Variants in SATL1 observed in about 807,000 individuals in gnomAD.
SATL1 encodes the protein spermidine/spermine N(1)-acetyltransferase-like protein 1.
SATL1 carries 47 observed loss-of-function variants against 51.8 expected under a neutral mutation model. The observed-to-expected ratio is 0.91, with a 90% CI of 0.72 to 1.16. The LOEUF (loss-of-function observed/expected upper bound fraction) is 1.16. Ranked by LOEUF, SATL1 falls within the 50% of genes most tolerant of loss-of-function variation. The probability of loss-of-function intolerance (pLI) is 0.00; values close to 1 mark genes in which losing one functional copy is unlikely to be tolerated. For missense variants in SATL1, 520 were observed against 526.4 expected (o/e 0.99, Z 0.12); for synonymous variants, 176 against 182.4 (o/e 0.97, Z 0.28).
chrX:85,139,306 A>T (rs924414254), intron 2 of SATL1, among the ~76,000 whole-genome samples: 1 of 111,845 alleles, frequency 8.9e-6, no homozygotes, highest in Non-Finnish European at 1.9e-5. Flanking sequence ...TGTATTTATC[A>T]TATACGTAAA....
At chrX:85,139,531 C>G (rs747814212) in intron 2 of SATL1, among the ~76,000 whole-genome samples, 2 of 110,799 alleles carry the variant, frequency 1.8e-5, no homozygotes, top group African/African-American at 6.6e-5. Context: ...ATACTTAACC[C>G]TACCATAAAT....
At chrX:85,206,066 G>A (rs1323668627) in intron 2 of SATL1, among the ~76,000 whole-genome samples, 4 of 111,779 alleles carry the variant, frequency 3.6e-5, no homozygotes, top group Non-Finnish European at 7.5e-5. Context: ...GCAGGTTTGA[G>A]GCTGGTGGTG....
At chrX:85,224,768 CAAAAAA>C (rs58905613) in intron 1 of SATL1, among the ~76,000 whole-genome samples, 2 of 59,752 alleles carry the variant, frequency 3.3e-5, no homozygotes, top group Non-Finnish European at 6.9e-5. Context: ...GAGTATATAT[CAAAAAA>C]AAAAAAAAAA....
intron 2 of SATL1, among the ~76,000 whole-genome samples, chrX:85,188,648 TA>T (rs1165664286): frequency 7.5e-5 from 8 of 107,173 alleles, no homozygotes; most frequent in East Asian, 2.9e-4. Flanking sequence ...TTCATCTCTC[TA>T]AAAAAAAAAT....
At chrX:85,092,752 C>T in intron 7 of SATL1, 191 bp from the exon 8 acceptor site, 1 of 400,306 alleles carries the variant, frequency 2.5e-6, no homozygotes, top group South Asian at 7.2e-5. Flanking sequence ...AGCTTTAAAG[C>T]CCTCTTTAAA....
chrX:85,233,990 G>A (rs762181241), intron 1 of SATL1, among the ~76,000 whole-genome samples: 2 of 111,091 alleles, frequency 1.8e-5, no homozygotes, highest in South Asian at 7.5e-4. Flanking sequence ...ACTACCTTAA[G>A]ATATCTAATA....
intron 1 of SATL1, among the ~76,000 whole-genome samples, chrX:85,232,317 G>A (rs1200395537): frequency 9.0e-6 from 1 of 111,073 alleles, no homozygotes; most frequent in African/African-American, 3.3e-5. Context: ...ACTCAGAGAT[G>A]TGCTGGCTTA....
At chrX:85,109,345 G>A (rs1015463477) in intron 2 of SATL1, 65 bp from the exon 3 acceptor site, 3 of 224,103 alleles carry the variant, frequency 1.3e-5, no homozygotes. Context: ...CCACCAGCCC[G>A]CCCCTGCATG....
chrX:85,150,106 G>A (rs143958988), intron 2 of SATL1, among the ~76,000 whole-genome samples: 5,387 of 110,877 alleles, frequency 0.049, 368 homozygotes, highest in African/African-American at 0.17. Flanking sequence ...GAATGAAATA[G>A]ATGCAATAAA....
At chrX:85,124,299 G>A (rs1925570494) in intron 2 of SATL1, among the ~76,000 whole-genome samples, 1 of 111,825 alleles carries the variant, frequency 8.9e-6, no homozygotes, top group Admixed American at 9.6e-5. Flanking sequence ...GGAGTAGAGT[G>A]AAGAGCATTA....
chrX:85,135,604 C>A lies in SATL1; in HGVS notation c.-312-26324G>T, dbSNP rs183184043. ...TGTGTGTGTGTGAGACAGGGCCTCACTCTGTCACCCAGGCTGGAGTGCAGT... is the reference window on the plus strand; with the variant it reads ...TGTGTGTGTGTGAGACAGGGCCTCAATCTGTCACCCAGGCTGGAGTGCAGT... On this transcript the variant is annotated intron_variant, in intron 2 of 7. Transcript: ENST00000644105. Among the ~76,000 whole-genome samples the A allele has an allele frequency of 3.4e-3, 374 of 108,443 alleles. 2 individuals are homozygous for A. The highest frequency in any genetic ancestry group is 0.012 in the African/African-American group (356 of 29,322). The allele number at this position is 108,443 out of a possible 115,157, so 94.2% of individuals were successfully genotyped here.
intron 2 of SATL1, among the ~76,000 whole-genome samples, chrX:85,197,419 A>G (rs1171526702): frequency 9.0e-6 from 1 of 111,268 alleles, no homozygotes; most frequent in Non-Finnish European, 1.9e-5. Context: ...TTAAAAGTAC[A>G]ATAAATGATT....
At chrX:85,094,461 T>C (rs773324565) in intron 5 of SATL1, among the ~76,000 whole-genome samples, 70 of 112,176 alleles carry the variant, frequency 6.2e-4, no homozygotes, top group Admixed American at 1.1e-3. Flanking sequence ...CAAAAAATTT[T>C]AGCTGGGCGC....
In SATL1 at chrX:85,092,552, T is replaced by C; in HGVS notation, c.1927A>G (p.Thr643Ala). ...MLKRLSQIAI[T>A]TQCNCMHFLV... ...AAGTGCATGCAGTTACATTGAGTTG[T>C]GATGGCTATCTGTTTAAAAACAAAC... Residue 643 changes from threonine (T) to alanine (A), a missense_variant, in exon 8 of 8, where the codon ACA becomes GCA. Physicochemically the swap from Thr to Ala is moderately conservative, Grantham distance 58. Coordinates refer to ENST00000644105, the MANE Select transcript of SATL1 (RefSeq NM_001367857.2). 8.3e-7 allele frequency: 1 copy of C among 1,205,387 alleles called. No individual in the cohort carries two copies. Among genetic ancestry groups the C allele is most frequent in the South Asian group, 1.8e-5 (1 of 55,926 alleles).
In SATL1 at chrX:85,163,445, G is replaced by A. The variant is rs189554060; in HGVS notation, c.-312-54165C>T. 4.0e-3 allele frequency among the ~76,000 whole-genome samples: 442 copies of A among 110,682 alleles called. 2 individuals are homozygous for A. The highest frequency in any genetic ancestry group is 0.014 in the African/African-American group (431 of 30,505). Reference sequence around the variant, plus strand: ...AGCATGACTTTTTCTGTATCTCAGAGGTTTTGATAGGTTGTGTCATTATTA... The same window carrying A: ...AGCATGACTTTTTCTGTATCTCAGAAGTTTTGATAGGTTGTGTCATTATTA... On this transcript the variant is annotated intron_variant, in intron 2 of 7. Coordinates refer to ENST00000644105, the MANE Select transcript of SATL1 (RefSeq NM_001367857.2).
At chrX:85,150,984 G>A (rs1042236860) in intron 2 of SATL1, among the ~76,000 whole-genome samples, 2 of 111,061 alleles carry the variant, frequency 1.8e-5, no homozygotes, top group African/African-American at 6.5e-5. Context: ...GGCAGGAGAA[G>A]GAAATAAAGG....
chrX:85,203,305 C>T (rs778937552), intron 2 of SATL1, among the ~76,000 whole-genome samples: 4 of 110,193 alleles, frequency 3.6e-5, no homozygotes, highest in Non-Finnish European at 7.6e-5. Context: ...GGGAAAGGCA[C>T]CCACTTAAAA....
intron 1 of SATL1, among the ~76,000 whole-genome samples, chrX:85,242,169 C>T (rs1569253446): frequency 8.9e-6 from 1 of 112,220 alleles, no homozygotes; most frequent in Non-Finnish European, 1.9e-5. Context: ...CCACAGTGTA[C>T]CATTCACAAA....
In SATL1 at chrX:85,108,378, G is replaced by C. The variant is rs1400344972; in HGVS notation, c.591C>G (p.Gly197=). Residue 197 remains glycine, a synonymous_variant, in exon 3 of 8, where the codon GGC becomes GGG. Transcript: ENST00000644105. ...NMSPPGMWQP[G]VQQPGISQQV... is the part of the protein sequence containing the mutation. Reference sequence around the variant, plus strand: ...GCTGGCTGATGCCTGGTTGTTGCACGCCTGGTTGCCACATGCCTGGTGGAC... The same window carrying C: ...GCTGGCTGATGCCTGGTTGTTGCACCCCTGGTTGCCACATGCCTGGTGGAC... 1 of 1,209,225 alleles carries C rather than the reference G, an allele frequency of 8.3e-7. No homozygotes were observed. The highest frequency in any genetic ancestry group is 3.0e-5 in the East Asian group (1 of 33,698).
Sources: allele counts gnomAD v4.1 joint callset (sites outside exome capture counted in the v4.1 genomes callset), GRCh38; gene constraint gnomAD v4.1.1; transcripts MANE v1.5; gene names NCBI Gene and HGNC (gene_info 2026-07-23, HGNC 2026-07-21).